ANKRD28: variants seen among roughly 807,000 people sequenced by gnomAD.
ANKRD28 encodes ankyrin repeat domain 28.
Under a neutral mutation model 126.5 loss-of-function variants are expected in ANKRD28, and 44 were observed. That is an observed-to-expected ratio of 0.35 (90% CI 0.27 to 0.45). The LOEUF is 0.45. ANKRD28 is among the 20% of genes least tolerant of loss of function. The probability of loss-of-function intolerance (pLI) is 1.00; values close to 1 mark genes in which losing one functional copy is unlikely to be tolerated. For synonymous variants in ANKRD28, 442 were observed against 468.5 expected (o/e 0.94, Z 0.73); for missense variants, 1,110 against 1,316.6 (o/e 0.84, Z 2.43).
chr3:15,750,461 C>A (rs1020910021), intron 4 of ANKRD28, among the ~76,000 whole-genome samples: 1 of 152,138 alleles, frequency 6.6e-6, no homozygotes, highest in Admixed American at 6.5e-5. Context: ...ATAATTGAAG[C>A]CAGTGTCTCC....
At position 15,698,360 on chromosome 3, in the gene ANKRD28, A is replaced by T. The variant is rs1575217527; in HGVS notation, c.1548-2115T>A. On this transcript the variant is annotated intron_variant, in intron 14 of 27. Transcript: ENST00000683139. ...AGGGATGCCCTCTCTCACCACTCCT[A>T]TTCAACATAGTGTTGGAAGTTCTGG... is the stretch of plus-strand genomic sequence containing the variant. Among the ~76,000 whole-genome samples, 3 of 152,204 alleles carry T rather than the reference A, an allele frequency of 2.0e-5. No homozygotes were observed. The East Asian group carries it at 5.8e-4, about 29-fold the overall frequency.
intron 3 of ANKRD28, among the ~76,000 whole-genome samples, chr3:15,761,494 T>C (rs953351135): frequency 6.6e-6 from 1 of 152,188 alleles, no homozygotes; most frequent in Non-Finnish European, 1.5e-5. Flanking sequence ...ATTAGGGTTA[T>C]AGAAATCAGT....
At position 15,758,605 on chromosome 3, in the gene ANKRD28, G is replaced by A. The variant is rs539399165; in HGVS notation, c.281-6785C>T. ...CATGGACAGAGGGAAAATAAAGGGA[G>A]AAGACAGCGATTTTGCAAGCCAGAG... On this transcript the variant is annotated intron_variant, in intron 3 of 27. Transcript: ENST00000683139. Among the ~76,000 whole-genome samples the A allele has an allele frequency of 3.9e-5, 6 of 152,312 alleles. No individual in the cohort carries two copies. In the South Asian group the frequency reaches 1.2e-3, roughly 32 times the overall value.
chr3:15,786,040 G>A (rs1004007457), intron 2 of ANKRD28, among the ~76,000 whole-genome samples: 1 of 151,966 alleles, frequency 6.6e-6, no homozygotes, highest in African/African-American at 2.4e-5. Flanking sequence ...GGGGAAGAAC[G>A]AATAGAGGGT....
intron 3 of ANKRD28, among the ~76,000 whole-genome samples, chr3:15,757,650 T>G (rs922534378): frequency 2.0e-5 from 3 of 151,772 alleles, no homozygotes; most frequent in Admixed American, 6.6e-5. Flanking sequence ...GAGGTTATAC[T>G]AAAAAGACTG....
intron 2 of ANKRD28, among the ~76,000 whole-genome samples, chr3:15,775,666 C>T (rs925999157): frequency 6.6e-6 from 1 of 152,056 alleles, no homozygotes; most frequent in South Asian, 2.1e-4. Flanking sequence ...ATTAATAACA[C>T]AAAAAAGGGT....
intron 1 of ANKRD28, among the ~76,000 whole-genome samples, chr3:15,818,967 G>T (rs1027754934): frequency 5.9e-5 from 9 of 152,096 alleles, no homozygotes; most frequent in African/African-American, 2.2e-4. Context: ...TAAAATTGAG[G>T]GATTCATACT....
intron 6 of ANKRD28, among the ~76,000 whole-genome samples, chr3:15,729,301 CCTT>C (rs1208321420): frequency 6.6e-6 from 1 of 152,158 alleles, no homozygotes; most frequent in Non-Finnish European, 1.5e-5. Context: ...TCATGTAACA[CCTT>C]CTTTATGTGG....
intron 15 of ANKRD28, among the ~76,000 whole-genome samples, 177 bp from the exon 16 acceptor site, chr3:15,695,391 A>G (rs2069386345): frequency 6.6e-6 from 1 of 152,116 alleles, no homozygotes; most frequent in Non-Finnish European, 1.5e-5. Flanking sequence ...ATCTATATAC[A>G]TAGGTCTAAA....
In ANKRD28 at chr3:15,817,111, A is replaced by G. The variant is rs1205754119; in HGVS notation, c.28-21805T>C. 6.6e-6 allele frequency among the ~76,000 whole-genome samples: 1 copy of G among 152,200 alleles called. No individual in the cohort carries two copies. The highest frequency in any genetic ancestry group is 1.5e-5 in the Non-Finnish European group (1 of 68,028). ...ACTGTAAAGGCCCAGTCTTCCACAG[A>G]GTGAGCATCGTTTAAGGTAGGGGCT... On this transcript the variant is annotated intron_variant, in intron 1 of 27. Transcript: ENST00000399451. The surrounding 1 kb of genome is among the most constrained non-coding windows in gnomAD (Gnocchi z 4.5).
intron 1 of ANKRD28, among the ~76,000 whole-genome samples, chr3:15,856,070 T>C (rs2061758727): frequency 6.6e-6 from 1 of 152,220 alleles, no homozygotes; most frequent in South Asian, 2.1e-4. Context: ...AACTGGTTCC[T>C]TACTAGTCCC....
rs1444686799 is a variant in ANKRD28 at position 15,815,148 on chromosome 3, A to G, written c.28-19842T>C. Among the ~76,000 whole-genome samples the G allele has an allele frequency of 6.6e-6, 1 of 151,988 alleles. No homozygotes were observed. The highest frequency in any genetic ancestry group is 6.5e-5 in the Admixed American group (1 of 15,270). On this transcript the variant is annotated intron_variant, in intron 1 of 27. Transcript: ENST00000399451. The surrounding 1 kb of genome is among the most constrained non-coding windows in gnomAD (Gnocchi z 4.1). ...TATAATACTTTTCCCAAGATAAAAAATAAAATTCCCACAAGTTAATTTTAG... is the reference window on the plus strand; with the variant it reads ...TATAATACTTTTCCCAAGATAAAAAGTAAAATTCCCACAAGTTAATTTTAG...
At chr3:15,840,125 T>C (rs980309317) in intron 1 of ANKRD28, among the ~76,000 whole-genome samples, 2 of 152,174 alleles carry the variant, frequency 1.3e-5, no homozygotes, top group Non-Finnish European at 2.9e-5. Flanking sequence ...GCAGATGATA[T>C]GATCTTATAT....
chr3:15,770,966 G>A (rs2058971234), intron 2 of ANKRD28, among the ~76,000 whole-genome samples: 1 of 152,164 alleles, frequency 6.6e-6, no homozygotes, highest in African/African-American at 2.4e-5. Context: ...CTTATTTACT[G>A]TGTAAAATTA....
intron 1 of ANKRD28, among the ~76,000 whole-genome samples, chr3:15,807,019 T>G (rs1289377378): frequency 6.6e-6 from 1 of 152,218 alleles, no homozygotes; most frequent in African/African-American, 2.4e-5. Context: ...GGTGACTGAT[T>G]CAGTTATCCA....
At position 15,708,073 on chromosome 3, in the gene ANKRD28, T is replaced by G; in HGVS notation, c.1407-9A>C. On this transcript the variant is annotated splice_polypyrimidine_tract_variant and intron_variant, in intron 13 of 27. Transcript: ENST00000683139. ...CGTAGTGCAGTGGAGATCTTTTGGGTCCAAGTTAATACAAGAAAGATAAAA... is the reference window on the plus strand; with the variant it reads ...CGTAGTGCAGTGGAGATCTTTTGGGGCCAAGTTAATACAAGAAAGATAAAA... The G allele has an allele frequency of 6.3e-7, 1 of 1,593,840 alleles. No individual in the cohort carries two copies. Among genetic ancestry groups the G allele is most frequent in the Non-Finnish European group, 8.5e-7 (1 of 1,169,622 alleles).
upstream of ANKRD28, among the ~76,000 whole-genome samples, chr3:15,802,287 G>A (rs2060478589): frequency 6.6e-6 from 1 of 152,140 alleles, no homozygotes; most frequent in Non-Finnish European, 1.5e-5. Flanking sequence ...GTCTAGGGTA[G>A]TGAAACTACA....
chr3:15,773,837 T>G (rs1257339445), intron 2 of ANKRD28, among the ~76,000 whole-genome samples: 1 of 151,956 alleles, frequency 6.6e-6, no homozygotes, highest in African/African-American at 2.4e-5. Context: ...AAGCTAAAAT[T>G]TACGTAGAAA....
Position 15,816,431 on chromosome 3 carries a change from C to A in ANKRD28, c.28-21125G>T, listed in dbSNP as rs534587918. Among the ~76,000 whole-genome samples, 1 of 152,074 alleles carries A rather than the reference C, an allele frequency of 6.6e-6. No homozygotes were observed. Among genetic ancestry groups the A allele is most frequent in the Non-Finnish European group, 1.5e-5 (1 of 68,006 alleles). The stretch of plus-strand genomic sequence containing the variant: ...ATTTGTAATATGGGGTTATTAAGAC[C>A]AGCTTAAGTTAACAGCCTAAGGATA... On this transcript the variant is annotated intron_variant, in intron 1 of 27. Transcript: ENST00000399451. The surrounding 1 kb of genome is among the most constrained non-coding windows in gnomAD (Gnocchi z 5.0).
Sources: gnomAD v4.1 joint callset for allele counts (sites outside exome capture counted in the v4.1 genomes callset) on GRCh38, gnomAD v4.1.1 for gene constraint, Gnocchi (gnomAD v3.1) non-coding constraint, MANE v1.5 for transcripts, NCBI Gene and HGNC (gene_info 2026-07-23, HGNC 2026-07-21) for gene names.